TXNL1: variants seen among roughly 807,000 people sequenced by gnomAD.
The protein encoded by TXNL1 is thioredoxin like 1.
TXNL1 carries 14 observed loss-of-function variants against 35.5 expected under a neutral mutation model. That is an observed-to-expected ratio of 0.39 (90% CI 0.26 to 0.62). The LOEUF (loss-of-function observed/expected upper bound fraction) is 0.62. Among genes scored for constraint, TXNL1 ranks in the 20% least tolerant of loss-of-function variants. TXNL1 has a pLI of 0.47. For missense variants in TXNL1, 263 were observed against 349.7 expected (o/e 0.75, Z 1.98); for synonymous variants, 110 against 115.5 (o/e 0.95, Z 0.31).
In TXNL1 at chr18:56,602,342, T is replaced by C. The variant is rs930082105; in HGVS notation, c.*685A>G. ...TGTTTTCTGAATTCACTATGCTGTA[T>C]TTTTTCCCCAACTGTCTGATTTCCA... On this transcript the variant is annotated 3_prime_UTR_variant, in exon 8 of 8. Coordinates refer to ENST00000217515, the MANE Select transcript of TXNL1 (RefSeq NM_004786.3). 2 of 149,530 alleles carry C rather than the reference T, an allele frequency of 1.3e-5. No individual in the cohort carries two copies. Among genetic ancestry groups the C allele is most frequent in the African/African-American group, 5.0e-5 (2 of 40,218 alleles). 9.3% of individuals were successfully genotyped at this position (149,530 alleles called of 1,614,324 possible).
At chr18:56,618,916 T>G (rs2024134058) in intron 3 of TXNL1, among the ~76,000 whole-genome samples, 1 of 151,488 alleles carries the variant, frequency 6.6e-6, no homozygotes, top group South Asian at 2.1e-4. Context: ...ATAATAGAGA[T>G]AAAAAGAAAA....
Position 56,598,453 on chromosome 18 carries a change from TG to T in TXNL1, c.*4573del. ...TGTAGATAAGTAGGAATTGGTCAGA[TG>T]GAAAAGTTAGGTCAGAGGAAGGCAT... On this transcript the variant is annotated 3_prime_UTR_variant, in exon 8 of 8. Coordinates refer to ENST00000217515, the MANE Select transcript of TXNL1 (RefSeq NM_004786.3). The T allele has an allele frequency of 6.6e-6, 1 of 152,218 alleles. No individual in the cohort carries two copies. Among genetic ancestry groups the T allele is most frequent in the East Asian group, 1.9e-4 (1 of 5,170 alleles). The allele number at this position is 152,218 out of a possible 1,614,324, so 9.4% of individuals were successfully genotyped here.
At position 56,618,951 on chromosome 18, in the gene TXNL1, T is replaced by A. The variant is rs1206263608; in HGVS notation, c.370-825A>T. On this transcript the variant is annotated intron_variant, in intron 3 of 7. Coordinates refer to ENST00000217515, the MANE Select transcript of TXNL1 (RefSeq NM_004786.3). ...AAGGCCTGGTACGATGGCTCATGCTTCTAATCCCAGCACTTTGGGAGGCCA... is the reference window on the plus strand; with the variant it reads ...AAGGCCTGGTACGATGGCTCATGCTACTAATCCCAGCACTTTGGGAGGCCA... Among the ~76,000 whole-genome samples, 3 of 152,184 alleles carry A rather than the reference T, an allele frequency of 2.0e-5. No homozygotes were observed. The East Asian group carries it at 5.8e-4, about 29-fold the overall frequency.
At chr18:56,603,331 T>TA (rs1400937775) in intron 7 of TXNL1, among the ~76,000 whole-genome samples, 1 of 150,288 alleles carries the variant, frequency 6.7e-6, no homozygotes, top group East Asian at 1.9e-4. Flanking sequence ...GTTGAAAGTT[T>TA]AGAGAAGTTA....
chr18:56,629,325 C>G (rs1365081815), intron 1 of TXNL1, among the ~76,000 whole-genome samples: 1 of 152,204 alleles, frequency 6.6e-6, no homozygotes, highest in Non-Finnish European at 1.5e-5. Context: ...TCCAGGAGTT[C>G]TAGATCAGCC....
rs572295705 is a variant in TXNL1, at chr18:56,600,580, A to G, written c.*2447T>C. 1 of 149,896 alleles carries G rather than the reference A, an allele frequency of 6.7e-6. No individual in the cohort carries two copies. Among genetic ancestry groups the G allele is most frequent in the Non-Finnish European group, 1.5e-5 (1 of 67,788 alleles). The allele number at this position is 149,896 out of a possible 1,614,324, so 9.3% of individuals were successfully genotyped here. On this transcript the variant is annotated 3_prime_UTR_variant, in exon 8 of 8. Coordinates refer to ENST00000217515, the MANE Select transcript of TXNL1 (RefSeq NM_004786.3). ...TTGTTATGTGGCTGCCTCCAACAGT[A>G]TATTGAGACTGGGGAACAACGTGGG... is the stretch of plus-strand genomic sequence containing the variant.
chr18:56,610,902 G>T, intron 7 of TXNL1, 91 bp downstream of exon 7: 2 of 827,400 alleles, frequency 2.4e-6, no homozygotes, highest in Non-Finnish European at 3.6e-6. Flanking sequence ...GAATTATTTT[G>T]TTAAAAGAAA....
At chr18:56,616,857 G>A (rs1309684544) in intron 4 of TXNL1, among the ~76,000 whole-genome samples, 1 of 152,108 alleles carries the variant, frequency 6.6e-6, no homozygotes, top group East Asian at 1.9e-4. Flanking sequence ...GAATCTGGAA[G>A]GCCACATAAG....
chr18:56,616,831 A>G (rs2024095641), intron 4 of TXNL1, among the ~76,000 whole-genome samples: 1 of 152,162 alleles, frequency 6.6e-6, no homozygotes, highest in African/African-American at 2.4e-5. Flanking sequence ...TCCATTCTAC[A>G]TTTACTTGAC....
chr18:56,605,062 G>A (rs1212855461), intron 7 of TXNL1: 2 of 148,556 alleles, frequency 1.3e-5, no homozygotes, highest in Non-Finnish European at 3.0e-5. Context: ...TGAGCAACAC[G>A]GTATGGTAAA....
At chr18:56,607,898 T>C (rs148557214) in intron 7 of TXNL1, among the ~76,000 whole-genome samples, 36 of 152,228 alleles carry the variant, frequency 2.4e-4, no homozygotes, top group Non-Finnish European at 4.9e-4. Flanking sequence ...GGTGAAAATA[T>C]TGTAAGTCAA....
At chr18:56,624,246 CAAGAT>C in intron 3 of TXNL1, 37 bp downstream of exon 3, 5 of 1,552,520 alleles carry the variant, frequency 3.2e-6, no homozygotes, top group Non-Finnish European at 4.4e-6. Context: ...ATGACATGTA[CAAGAT>C]ATTATACATT....
rs2234347 is a variant in TXNL1 at position 56,626,554 on chromosome 18, T to C, written c.99-97A>G. ...AAAATAGAACAAACACTGATACTGCTGGCTTTTGACTCTCTGTTTTTTTTG... is the reference window on the plus strand; with the variant it reads ...AAAATAGAACAAACACTGATACTGCCGGCTTTTGACTCTCTGTTTTTTTTG... On this transcript the variant is annotated intron_variant, in intron 1 of 7. Transcript: ENST00000217515. 3,174 of 1,086,212 alleles carry C rather than the reference T, an allele frequency of 2.9e-3. 65 individuals carry two copies. In the African/African-American group the frequency reaches 0.046, roughly 16 times the overall value. 67.3% of individuals were successfully genotyped at this position (1,086,212 alleles called of 1,614,324 possible).
chr18:56,617,665 AT>A (rs2024111949), intron 4 of TXNL1, among the ~76,000 whole-genome samples: 1 of 152,216 alleles, frequency 6.6e-6, no homozygotes, highest in Non-Finnish European at 1.5e-5. Context: ...ATTAGTCTCT[AT>A]TTCTCATATA....
At position 56,614,493 on chromosome 18, in the gene TXNL1, C is replaced by T; in HGVS notation, c.666G>A (p.Glu222=). 1 of 1,613,968 alleles carries T rather than the reference C, an allele frequency of 6.2e-7. No individual in the cohort carries two copies. Among genetic ancestry groups the T allele is most frequent in the Non-Finnish European group, 8.5e-7 (1 of 1,179,952 alleles). Residue 222 remains glutamate, a synonymous_variant, in exon 6 of 8, where the codon GAG becomes GAA. Coordinates refer to ENST00000217515, the MANE Select transcript of TXNL1 (RefSeq NM_004786.3). The part of the protein sequence containing the change: ...SEPTQALELT[E]DDIKEDGIVP... The stretch of plus-strand genomic sequence containing the variant: ...CAATGCCATCTTCTTTAATATCATC[C>T]TCTGTCAGTTCCAGAGCTTGAGTTG...
chr18:56,601,943 A>G lies in TXNL1; in HGVS notation c.*1084T>C, dbSNP rs1035932737. Reference sequence around the variant, plus strand: ...AGCACCTCATTTTCAACCTTAAATCATGTTCTCTGTATATTTACACTGCAC... The same window carrying G: ...AGCACCTCATTTTCAACCTTAAATCGTGTTCTCTGTATATTTACACTGCAC... On this transcript the variant is annotated 3_prime_UTR_variant, in exon 8 of 8. Transcript: ENST00000217515. The G allele has an allele frequency of 3.3e-5, 5 of 152,162 alleles. No homozygotes were observed. The highest frequency in any genetic ancestry group is 1.2e-4 in the African/African-American group (5 of 41,422). The allele number at this position is 152,162 out of a possible 1,614,324, so 9.4% of individuals were successfully genotyped here.
At position 56,616,243 on chromosome 18, in the gene TXNL1, A is replaced by G; in HGVS notation, c.562+2T>C. The G allele has an allele frequency of 6.2e-7, 1 of 1,612,938 alleles. No homozygotes were observed. Among genetic ancestry groups the G allele is most frequent in the Non-Finnish European group, 8.5e-7 (1 of 1,179,266 alleles). ...TTTAAAGAAAAGCTATCCTTTACTC[A>G]CCATTATCTGGCCCTTGAAATTTCA... On this transcript the variant is annotated splice_donor_variant, in intron 5 of 7. Transcript: ENST00000217515. LOFTEE classifies it high-confidence loss of function.
chr18:56,632,702 G>C (rs2144336353), intron 1 of TXNL1, among the ~76,000 whole-genome samples: 1 of 152,310 alleles, frequency 6.6e-6, no homozygotes, highest in East Asian at 1.9e-4. Context: ...GATCTATAGT[G>C]TTAGAATTCA....
chr18:56,613,738 T>C (rs1261252160), intron 6 of TXNL1, among the ~76,000 whole-genome samples: 3 of 152,122 alleles, frequency 2.0e-5, no homozygotes, highest in African/African-American at 4.8e-5. Flanking sequence ...CTGAGCCCAG[T>C]AGATCAGGGC....
Sources: gnomAD v4.1 joint callset for allele counts (sites outside exome capture counted in the v4.1 genomes callset) on GRCh38, gnomAD v4.1.1 for gene constraint, MANE v1.5 for transcripts, NCBI Gene and HGNC (gene_info 2026-07-23, HGNC 2026-07-21) for gene names.